The following GRIA4 variants were observed in gnomAD, a reference collection of about 807,000 sequenced individuals.
The protein encoded by GRIA4 is glutamate receptor 4.
GRIA4 carries 34 observed loss-of-function variants against 104.0 expected under a neutral mutation model. The observed-to-expected ratio is 0.33, with a 90% confidence interval of 0.25 to 0.44. The LOEUF (loss-of-function observed/expected upper bound fraction) is 0.44. Among genes scored for constraint, GRIA4 ranks in the 20% least tolerant of loss-of-function variants. The pLI, the probability that GRIA4 is intolerant of heterozygous loss-of-function variation, is 1.00. For missense variants in GRIA4, 750 were observed against 1,096.5 expected (o/e 0.68, Z 4.46); for synonymous variants, 386 against 381.9 (o/e 1.01, Z -0.13).
chr11:105,890,750 C>T (rs1474838204), intron 6 of GRIA4, among the ~76,000 whole-genome samples: 3 of 152,160 alleles, frequency 2.0e-5, no homozygotes, highest in African/African-American at 7.2e-5. Context: ...ATGAGCTATG[C>T]CTGATATCTA....
intron 3 of GRIA4, among the ~76,000 whole-genome samples, chr11:105,716,225 A>G (rs968854803): frequency 6.6e-6 from 1 of 152,134 alleles, no homozygotes; most frequent in Non-Finnish European, 1.5e-5. Context: ...TTGACAAGAA[A>G]CCATTATATC....
chr11:105,731,660 A>G (rs1938595994), intron 3 of GRIA4, among the ~76,000 whole-genome samples: 1 of 152,220 alleles, frequency 6.6e-6, no homozygotes, highest in South Asian at 2.1e-4. Flanking sequence ...GATAAAGAAA[A>G]TGTAACACAT....
chr11:105,902,202 T>C (rs559480213), intron 7 of GRIA4, among the ~76,000 whole-genome samples: 3 of 152,356 alleles, frequency 2.0e-5, no homozygotes, highest in South Asian at 4.1e-4. Flanking sequence ...TTATATCCTA[T>C]ACTATTGAAC....
intron 3 of GRIA4, among the ~76,000 whole-genome samples, chr11:105,702,211 T>A (rs1953521810): frequency 6.6e-6 from 1 of 152,174 alleles, no homozygotes; most frequent in Admixed American, 6.6e-5. Context: ...TGCATTTGTG[T>A]ATTAATATTT....
At chr11:105,831,982 C>T (rs1425105081) in intron 4 of GRIA4, among the ~76,000 whole-genome samples, 1 of 151,970 alleles carries the variant, frequency 6.6e-6, no homozygotes, top group Non-Finnish European at 1.5e-5. Context: ...TGAATTCCAC[C>T]TTGGACATGC....
At chr11:105,821,980 G>A (rs1196772555) in intron 4 of GRIA4, among the ~76,000 whole-genome samples, 2 of 152,056 alleles carry the variant, frequency 1.3e-5, no homozygotes, top group Admixed American at 6.6e-5. Flanking sequence ...CGCTCGCCAC[G>A]CAGGTTCCCA....
At chr11:105,745,303 T>C (rs954011056) in intron 3 of GRIA4, among the ~76,000 whole-genome samples, 4 of 152,204 alleles carry the variant, frequency 2.6e-5, no homozygotes, top group African/African-American at 7.2e-5. Context: ...TCTGTCTAAC[T>C]ACTCTAACCC....
At chr11:105,790,172 A>G (rs770291724) in intron 4 of GRIA4, among the ~76,000 whole-genome samples, 4 of 152,312 alleles carry the variant, frequency 2.6e-5, no homozygotes, top group Admixed American at 2.0e-4. Context: ...TAAGCACAAC[A>G]AGCTGGGTGG....
intron 3 of GRIA4, among the ~76,000 whole-genome samples, chr11:105,616,348 T>C (rs1340095908): frequency 6.6e-6 from 1 of 151,706 alleles, no homozygotes; most frequent in Non-Finnish European, 1.5e-5. Flanking sequence ...ATTAATTCTG[T>C]GTGGCTGATT....
At chr11:105,940,122 TG>T in intron 14 of GRIA4, among the ~76,000 whole-genome samples, 1 of 152,136 alleles carries the variant, frequency 6.6e-6, no homozygotes, top group South Asian at 2.1e-4. Context: ...CCCAGCACTT[TG>T]GGAGGCTGAG....
At chr11:105,926,697 T>C (rs747829759) in intron 12 of GRIA4, 44 bp from the exon 13 acceptor site, 3 of 1,163,366 alleles carry the variant, frequency 2.6e-6, no homozygotes, top group South Asian at 2.5e-5. Flanking sequence ...TTTCTCTATG[T>C]TGGTTAAAGA....
chr11:105,920,087 G>A (rs1204370681), intron 11 of GRIA4, among the ~76,000 whole-genome samples: 1 of 151,996 alleles, frequency 6.6e-6, no homozygotes, highest in Non-Finnish European at 1.5e-5. Context: ...AACATTCTTT[G>A]TACAGTACAG....
At chr11:105,625,493 A>G (rs1323553405) in intron 3 of GRIA4, among the ~76,000 whole-genome samples, 1 of 152,156 alleles carries the variant, frequency 6.6e-6, no homozygotes. Context: ...TTCTTTACAT[A>G]ACATAGTTTC....
At chr11:105,969,736 G>A (rs1020748507) in intron 14 of GRIA4, among the ~76,000 whole-genome samples, 1 of 152,126 alleles carries the variant, frequency 6.6e-6, no homozygotes, top group Non-Finnish European at 1.5e-5. Context: ...AAGGCTTTGG[G>A]GAGCTTGCCT....
At chr11:105,940,000 G>T (rs1259156456) in intron 14 of GRIA4, among the ~76,000 whole-genome samples, 1 of 152,070 alleles carries the variant, frequency 6.6e-6, no homozygotes. Context: ...ACACCGCAGT[G>T]GATTCCTCCC....
intron 3 of GRIA4, among the ~76,000 whole-genome samples, chr11:105,665,791 T>C (rs536062541): frequency 2.6e-5 from 4 of 152,186 alleles, no homozygotes; most frequent in Admixed American, 6.6e-5. Context: ...GATATTATTA[T>C]ATCACATCTA....
chr11:105,819,145 G>A (rs1006855440), intron 4 of GRIA4, among the ~76,000 whole-genome samples: 3 of 152,028 alleles, frequency 2.0e-5, no homozygotes, highest in African/African-American at 4.8e-5. Context: ...CAAGAACTAG[G>A]GCAACTAAAG....
At chr11:105,697,957 C>G (rs1451959704) in intron 3 of GRIA4, among the ~76,000 whole-genome samples, 1 of 152,100 alleles carries the variant, frequency 6.6e-6, no homozygotes, top group Non-Finnish European at 1.5e-5. Context: ...CCTTTAAGTG[C>G]CTTTTCTTAT....
chr11:105,954,565 T>C (rs572237066), intron 14 of GRIA4, among the ~76,000 whole-genome samples: 6 of 152,166 alleles, frequency 3.9e-5, no homozygotes, highest in Non-Finnish European at 7.3e-5. Flanking sequence ...TGTATACTTA[T>C]ATATAAATGT....
Sources: allele counts gnomAD v4.1 joint callset (sites outside exome capture counted in the v4.1 genomes callset), GRCh38; gene constraint gnomAD v4.1.1; transcripts MANE v1.5; gene names NCBI Gene and HGNC (gene_info 2026-07-23, HGNC 2026-07-21).